The following ASIC5 variants were observed in gnomAD, a reference collection of about 807,000 sequenced individuals.
ASIC5 encodes the protein acid sensing ion channel subunit family member 5.
ASIC5 carries 52 observed loss-of-function variants against 51.2 expected under a neutral mutation model. The observed-to-expected ratio is 1.02, with a 90% CI of 0.81 to 1.28. ASIC5 has a LOEUF of 1.28. Ranked by LOEUF, ASIC5 falls within the 50% of genes most tolerant of loss-of-function variation. The pLI is 0.00. For synonymous variants in ASIC5, 231 were observed against 200.7 expected (o/e 1.15, Z -1.28); for missense variants, 635 against 595.0 (o/e 1.07, Z -0.70).
intron 2 of ASIC5, among the ~76,000 whole-genome samples, chr4:155,862,536 C>T (rs756804898): frequency 3.9e-4 from 59 of 152,114 alleles, no homozygotes; most frequent in Non-Finnish European, 6.3e-4. Context: ...TTTCATGCTT[C>T]ACCACAGGCA....
chr4:155,839,214 A>T (rs1393233674), intron 6 of ASIC5, among the ~76,000 whole-genome samples: 1 of 152,162 alleles, frequency 6.6e-6, no homozygotes, highest in African/African-American at 2.4e-5. Context: ...ATGGTTCACA[A>T]TCCTGTCATA....
chr4:155,854,606 T>G, intron 2 of ASIC5: 1 of 388,180 alleles, frequency 2.6e-6, no homozygotes, highest in South Asian at 4.2e-5. Flanking sequence ...AATATATAGT[T>G]GTTAAAAATG....
intron 4 of ASIC5, among the ~76,000 whole-genome samples, chr4:155,850,049 G>T (rs78848924): frequency 0.08 from 12,072 of 151,698 alleles, 571 homozygotes; most frequent in Admixed American, 0.14. Flanking sequence ...CTAACCATGA[G>T]AAATCAGATG....
intron 1 of ASIC5, 111 bp from the exon 2 acceptor site, chr4:155,863,865 T>G: frequency 1.2e-6 from 1 of 849,744 alleles, no homozygotes; most frequent in Non-Finnish European, 1.8e-6. Context: ...CTCTTTTTAC[T>G]TGTAATTCAT....
chr4:155,856,388 A>G (rs1307011481), intron 2 of ASIC5, among the ~76,000 whole-genome samples: 4 of 152,098 alleles, frequency 2.6e-5, no homozygotes, highest in Non-Finnish European at 5.9e-5. Flanking sequence ...CACAAAACAC[A>G]AAAATGGAGA....
At chr4:155,842,169 T>C (rs1296138185) in intron 6 of ASIC5, 38 bp downstream of exon 6, 2 of 1,593,134 alleles carry the variant, frequency 1.3e-6, no homozygotes, top group South Asian at 2.2e-5. Flanking sequence ...AACACTTAAC[T>C]GTCTAGTTAA....
intron 9 of ASIC5, among the ~76,000 whole-genome samples, chr4:155,830,961 A>G (rs760935022): frequency 6.6e-6 from 1 of 152,176 alleles, no homozygotes; most frequent in African/African-American, 2.4e-5. Context: ...TATTTCCTCC[A>G]TATTCAGGGT....
Position 155,852,306 on chromosome 4 carries a change from T to C in ASIC5, c.596A>G (p.His199Arg). 1 of 1,586,178 alleles carries C rather than the reference T, an allele frequency of 6.3e-7. No individual in the cohort carries two copies. The highest frequency in any genetic ancestry group is 1.7e-4 in the Middle Eastern group (1 of 5,960). Residue 199 changes from histidine to arginine, a missense_variant, in exon 4 of 10, where the codon CAT becomes CGT. Transcript: ENST00000537611. ...GKPCSPKDFA[H>R]VFTEYGNCFT... ...ACAATTTCCATATTCAGTGAAGACATGTGCAAAATCCTCCAATATGTAAAT... is the reference window on the plus strand; with the variant it reads ...ACAATTTCCATATTCAGTGAAGACACGTGCAAAATCCTCCAATATGTAAAT...
At chr4:155,845,712 G>C (rs538372857) in intron 4 of ASIC5, among the ~76,000 whole-genome samples, 39 of 152,076 alleles carry the variant, frequency 2.6e-4, no homozygotes, top group African/African-American at 9.2e-4. Flanking sequence ...TATTATGATA[G>C]AGTTCTATAA....
At chr4:155,839,781 T>C (rs754877078) in intron 6 of ASIC5, among the ~76,000 whole-genome samples, 2 of 151,830 alleles carry the variant, frequency 1.3e-5, no homozygotes, top group Non-Finnish European at 1.5e-5. Flanking sequence ...TCTGAATTAT[T>C]TCTTGCTCTG....
chr4:155,852,105 C>A (rs879044576), intron 4 of ASIC5, 86 bp downstream of exon 4: 1 of 1,408,030 alleles, frequency 7.1e-7, no homozygotes, highest in South Asian at 1.2e-5. Context: ...TGTGTGGGAA[C>A]TATCTGATAT....
intron 1 of ASIC5, among the ~76,000 whole-genome samples, chr4:155,865,473 G>T (rs1514008): frequency 7.9e-5 from 12 of 151,870 alleles, no homozygotes; most frequent in Non-Finnish European, 1.6e-4. Flanking sequence ...ACCATTCCTA[G>T]AATAGGGATC....
chr4:155,841,483 C>T (rs1377234760), intron 6 of ASIC5, among the ~76,000 whole-genome samples: 1 of 152,016 alleles, frequency 6.6e-6, no homozygotes, highest in Non-Finnish European at 1.5e-5. Context: ...ATTGTAGAGC[C>T]GACATGAGCA....
rs907306275 is a variant in ASIC5, at chr4:155,829,770, A to C, written c.*86T>G. On this transcript the variant is annotated 3_prime_UTR_variant, in exon 10 of 10. Coordinates refer to ENST00000537611, the MANE Select transcript of ASIC5 (RefSeq NM_017419.3). ...TAATGGCTTTTATCGAACTCTCAAA[A>C]CTATAGAAAAGTGACGTAACAATGA... is the stretch of plus-strand genomic sequence containing the variant. 1 of 841,920 alleles carries C rather than the reference A, an allele frequency of 1.2e-6. No homozygotes were observed. Among genetic ancestry groups the C allele is most frequent in the South Asian group, 2.3e-5 (1 of 43,428 alleles). 52.2% of individuals were successfully genotyped at this position (841,920 alleles called of 1,614,324 possible).
chr4:155,844,935 G>T (rs750083129), intron 4 of ASIC5, among the ~76,000 whole-genome samples: 29 of 152,090 alleles, frequency 1.9e-4, no homozygotes, highest in South Asian at 1.7e-3. Context: ...CTGCAACACA[G>T]GACGACCAAT....
intron 2 of ASIC5, chr4:155,854,664 T>C (rs1041902645): frequency 8.5e-6 from 2 of 236,076 alleles, no homozygotes; most frequent in Admixed American, 1.0e-4. Context: ...TGTGTCAGCT[T>C]AGCTAAATTA....
Position 155,854,123 on chromosome 4 carries a change from C to A in ASIC5, c.539G>T (p.Ser180Ile). The A allele has an allele frequency of 6.2e-7, 1 of 1,613,296 alleles. No homozygotes were observed. The highest frequency in any genetic ancestry group is 8.5e-7 in the Non-Finnish European group (1 of 1,179,572). Residue 180 changes from serine (S) to isoleucine (I), a missense_variant, in exon 3 of 10, where the codon AGC (serine) becomes ATC (isoleucine). Coordinates refer to ENST00000537611, the MANE Select transcript of ASIC5 (RefSeq NM_017419.3). ...AAAAAACTCACAGTCCAACAAAGTG[C>A]TATTGTTGAGATAAAAACCTTTGTT... is the stretch of plus-strand genomic sequence containing the variant. ...IRNKGFYLNNSTLLDCEFFGK... is the reference protein window; with the variant it reads ...IRNKGFYLNNITLLDCEFFGK...
chr4:155,866,161 C>T (rs1263593690), intron 1 of ASIC5, 26 bp downstream of exon 1: 21 of 1,491,086 alleles, frequency 1.4e-5, no homozygotes, highest in East Asian at 2.3e-5. Context: ...AATATTACTG[C>T]TCTGAGGAGT....
chr4:155,835,418 A>G (rs1161052090), intron 8 of ASIC5, among the ~76,000 whole-genome samples: 1 of 151,932 alleles, frequency 6.6e-6, no homozygotes, highest in Non-Finnish European at 1.5e-5. Context: ...TTTGGAAAAA[A>G]AAAAAAAAAG....
Sources: gnomAD v4.1 joint callset for allele counts (sites outside exome capture counted in the v4.1 genomes callset) on GRCh38, gnomAD v4.1.1 for gene constraint, MANE v1.5 for transcripts, NCBI Gene and HGNC (gene_info 2026-07-23, HGNC 2026-07-21) for gene names.